Variants in XKR9 observed in about 807,000 individuals in gnomAD.
The protein encoded by XKR9 is XK-related protein 9.
A neutral mutation model predicts 32.0 loss-of-function variants in XKR9; 32 were observed. The ratio of observed to expected loss-of-function variants is 1.00; its 90% confidence interval spans 0.76 to 1.34. The LOEUF (loss-of-function observed/expected upper bound fraction) is 1.34. XKR9 is among the 40% of genes most tolerant of loss of function. The pLI, the probability that XKR9 is intolerant of heterozygous loss-of-function variation, is 0.00. For missense variants in XKR9, 546 were observed against 429.7 expected, an observed-to-expected ratio of 1.27 and a Z score of -2.39; for synonymous variants, 168 against 143.4, an observed-to-expected ratio of 1.17 and a Z score of -1.22.
At chr8:70,706,439 T>C (rs1288562597) in intron 3 of XKR9, among the ~76,000 whole-genome samples, 1 of 152,124 alleles carries the variant, frequency 6.6e-6, no homozygotes, top group Non-Finnish European at 1.5e-5. Flanking sequence ...TCTTCAACCT[T>C]GATATTCTCT....
chr8:70,843,028 C>T, the XKR9 span, among the ~76,000 whole-genome samples: 9 of 152,104 alleles, frequency 5.9e-5, no homozygotes, highest in African/African-American at 9.7e-5. Context: ...ATAATTAAGT[C>T]GGGATGCACG....
At chr8:70,784,429 T>C (rs1234628723) in intron 2 of XKR9, among the ~76,000 whole-genome samples, 2 of 152,096 alleles carry the variant, frequency 1.3e-5, no homozygotes, top group African/African-American at 4.8e-5. Flanking sequence ...ACCTCTTTAG[T>C]TAAATTTATT....
intron 4 of XKR9, among the ~76,000 whole-genome samples, chr8:70,724,043 C>G (rs954205049): frequency 6.6e-6 from 1 of 152,074 alleles, no homozygotes; most frequent in Non-Finnish European, 1.5e-5. Context: ...TCCGTAAGCC[C>G]CTGACTGGGG....
intron 2 of XKR9, among the ~76,000 whole-genome samples, chr8:70,762,605 G>T (rs1277062772): frequency 2.0e-5 from 3 of 152,182 alleles, no homozygotes; most frequent in Non-Finnish European, 4.4e-5. Context: ...TTTATTTAAA[G>T]TGTCATTCTT....
intron 1 of XKR9, chr8:70,670,549 G>A (rs1191747124): frequency 2.0e-5 from 3 of 151,242 alleles, no homozygotes; most frequent in Admixed American, 6.6e-5. Flanking sequence ...GACACATACA[G>A]TGCTTGGTGG....
chr8:70,892,734 C>T, the XKR9 span, among the ~76,000 whole-genome samples: 1 of 152,068 alleles, frequency 6.6e-6, no homozygotes, highest in African/African-American at 2.4e-5. Context: ...TTACATGTGA[C>T]TTGACTCTAT....
At chr8:70,880,030 A>G in the XKR9 span, among the ~76,000 whole-genome samples, 1 of 152,186 alleles carries the variant, frequency 6.6e-6, no homozygotes, top group African/African-American at 2.4e-5. Context: ...AAGCCACACA[A>G]TTATCTCAAT....
rs1027958065 is a variant in XKR9, at chr8:70,766,497, C to T, written n.353-22842C>T. 2.0e-5 allele frequency among the ~76,000 whole-genome samples: 3 copies of T among 152,120 alleles called. No individual in the cohort carries two copies. In the South Asian group the frequency reaches 6.2e-4, roughly 32 times the overall value. On this transcript the variant is annotated intron_variant and non_coding_transcript_variant, in intron 2 of 3. Coordinates refer to the XKR9 transcript ENST00000520273. ...CTTATTAGCTTAAGGAGTTTTGGGA[C>T]TGAGATGATGGGGTTTTCTAAATAT...
chr8:70,951,074 A>AT, the XKR9 span, among the ~76,000 whole-genome samples: 2 of 151,932 alleles, frequency 1.3e-5, no homozygotes, highest in Non-Finnish European at 2.9e-5. Context: ...TATTCCTTTT[A>AT]TTGCAGCTTT....
downstream of XKR9, among the ~76,000 whole-genome samples, chr8:70,739,467 A>G (rs563597682): frequency 2.0e-5 from 3 of 152,150 alleles, no homozygotes; most frequent in African/African-American, 7.2e-5. Flanking sequence ...GTCCATTTAC[A>G]TTTAAAGTTA....
At chr8:70,945,862 C>A in the XKR9 span, among the ~76,000 whole-genome samples, 1 of 152,170 alleles carries the variant, frequency 6.6e-6, no homozygotes, top group Non-Finnish European at 1.5e-5. Context: ...TGCGGCCAGG[C>A]GCGGTGGCTC....
At chr8:70,755,957 T>G (rs1807218948) in intron 2 of XKR9, among the ~76,000 whole-genome samples, 1 of 152,154 alleles carries the variant, frequency 6.6e-6, no homozygotes, top group South Asian at 2.1e-4. Context: ...AAAAAGGTCA[T>G]AAAGATTTGC....
the XKR9 span, among the ~76,000 whole-genome samples, chr8:70,842,481 G>A: frequency 5.4e-3 from 825 of 151,984 alleles, 12 homozygotes; most frequent in African/African-American, 0.019. Flanking sequence ...TTGCTATTCA[G>A]TGTTGCTATT....
At chr8:70,701,082 C>T (rs575719523) in intron 3 of XKR9, among the ~76,000 whole-genome samples, 53 of 152,238 alleles carry the variant, frequency 3.5e-4, no homozygotes, top group Admixed American at 1.8e-3. Context: ...TTCCAGGTGC[C>T]GTCTGTAACC....
rs572214908 is a variant in XKR9 at position 70,709,617 on chromosome 8, A to T, written c.493+2464A>T. On this transcript the variant is annotated intron_variant, in intron 4 of 4. Coordinates refer to ENST00000408926, the MANE Select transcript of XKR9 (RefSeq NM_001011720.2). ...AACTTCAGTAAAATTGGTATACAAGATCGATGTACAAAACAGTAGCATTTT... is the reference window on the plus strand; with the variant it reads ...AACTTCAGTAAAATTGGTATACAAGTTCGATGTACAAAACAGTAGCATTTT... Among the ~76,000 whole-genome samples, 12 of 152,332 alleles carry T rather than the reference A, an allele frequency of 7.9e-5. No homozygotes were observed. The East Asian group carries it at 1.9e-3, about 24-fold the overall frequency.
At chr8:70,842,054 C>A in the XKR9 span, among the ~76,000 whole-genome samples, 2 of 152,122 alleles carry the variant, frequency 1.3e-5, no homozygotes, top group African/African-American at 4.8e-5. Context: ...TCTAGTTAGA[C>A]AAAATAGATA....
chr8:70,733,887 T>G lies in XKR9; in HGVS notation c.585T>G (p.Leu195=), dbSNP rs778499125. 14 of 1,611,824 alleles carry G rather than the reference T, an allele frequency of 8.7e-6. No individual in the cohort carries two copies. The highest frequency in any genetic ancestry group is 1.2e-5 in the Non-Finnish European group (14 of 1,179,414). The change falls in exon 5 of 5, where the codon CTT becomes CTG. Residue 195 remains leucine (L), a synonymous_variant. Coordinates refer to ENST00000408926, the MANE Select transcript of XKR9 (RefSeq NM_001011720.2). ...ALRKSLPDKK[L]LNGLCPKITY... Reference sequence around the variant, plus strand: ...GAAAATCCTTGCCTGACAAAAAGCTTCTTAATGGATTATGTCCCAAAATCA... The same window carrying G: ...GAAAATCCTTGCCTGACAAAAAGCTGCTTAATGGATTATGTCCCAAAATCA...
At chr8:71,047,490 G>C in the XKR9 span, among the ~76,000 whole-genome samples, 1 of 152,138 alleles carries the variant, frequency 6.6e-6, no homozygotes, top group East Asian at 1.9e-4. Context: ...ATTTTATTTG[G>C]TTTCCAAAGT....
chr8:71,016,163 GTTAA>G, the XKR9 span, among the ~76,000 whole-genome samples: 1 of 152,018 alleles, frequency 6.6e-6, no homozygotes, highest in African/African-American at 2.4e-5. Context: ...TTAAATCTGG[GTTAA>G]TTATTAATTT....
Sources: allele counts gnomAD v4.1 joint callset (sites outside exome capture counted in the v4.1 genomes callset), GRCh38; gene constraint gnomAD v4.1.1; transcripts MANE v1.5; gene names NCBI Gene and HGNC (gene_info 2026-07-23, HGNC 2026-07-21).